The following EPB41 variants were observed in gnomAD, a reference collection of about 807,000 sequenced individuals.
The protein encoded by EPB41 is protein 4.1.
A neutral mutation model predicts 108.0 loss-of-function variants in EPB41; 65 were observed. That is an observed-to-expected ratio of 0.60 (90% CI 0.49 to 0.74). EPB41 has a LOEUF of 0.74. Among genes scored for constraint, EPB41 ranks in the 30% least tolerant of loss-of-function variants. The probability of loss-of-function intolerance (pLI) is 0.00; values close to 1 mark genes in which losing one functional copy is unlikely to be tolerated. For synonymous variants in EPB41, 336 were observed against 358.9 expected, an observed-to-expected ratio of 0.94 and a Z score of 0.72; for missense variants, 875 against 1,037.0, an observed-to-expected ratio of 0.84 and a Z score of 2.15.
intron 1 of EPB41, among the ~76,000 whole-genome samples, chr1:28,900,027 C>T (rs560737974): frequency 2.0e-5 from 3 of 152,292 alleles, no homozygotes; most frequent in Admixed American, 1.3e-4. Context: ...ATGAAGTACT[C>T]AGTCCGTAGC....
chr1:28,954,207 T>A (rs1460321939), intron 1 of EPB41, among the ~76,000 whole-genome samples: 1 of 152,236 alleles, frequency 6.6e-6, no homozygotes, highest in Admixed American at 6.5e-5. Context: ...AGACTTCTAA[T>A]ATTGTTTAGG....
At chr1:29,062,701 C>A (rs1257332138) in intron 15 of EPB41, among the ~76,000 whole-genome samples, 2 of 151,660 alleles carry the variant, frequency 1.3e-5, no homozygotes, top group East Asian at 1.9e-4. Context: ...ACCCCGCCCC[C>A]ACTAATGCTT....
At chr1:28,951,243 A>G (rs1454490114) in intron 1 of EPB41, among the ~76,000 whole-genome samples, 1 of 152,092 alleles carries the variant, frequency 6.6e-6, no homozygotes, top group Non-Finnish European at 1.5e-5. Flanking sequence ...ATATCTATAA[A>G]AGCTGACTTC....
chr1:29,021,795 G>C (rs1014756953), intron 7 of EPB41, among the ~76,000 whole-genome samples: 2 of 152,110 alleles, frequency 1.3e-5, no homozygotes, highest in African/African-American at 4.8e-5. Flanking sequence ...TGTTAGCCAG[G>C]ATGGTCTCAA....
At chr1:29,060,519 GC>G (rs1247119652) in intron 15 of EPB41, 35 bp downstream of exon 15, 1 of 1,569,624 alleles carries the variant, frequency 6.4e-7, no homozygotes, top group Non-Finnish European at 8.8e-7. Flanking sequence ...TCAGTTGGTT[GC>G]CTGGAACCTT....
chr1:29,044,745 AG>A (rs1430664555), intron 11 of EPB41, among the ~76,000 whole-genome samples: 2 of 152,200 alleles, frequency 1.3e-5, no homozygotes, highest in East Asian at 3.8e-4. Flanking sequence ...CCAGCTACTC[AG>A]GACGCTGAGG....
Position 29,035,618 on chromosome 1 carries a change from C to G in EPB41, c.1366-208C>G, listed in dbSNP as rs546326082. ...AGCTTAAATTATATGAGATGCATTC[C>G]CTGGCTTTCTTGCTTTGGAAAAAGC... On this transcript the variant is annotated intron_variant, in intron 9 of 20. Transcript: ENST00000343067. Among the ~76,000 whole-genome samples, 213 of 152,048 alleles carry G rather than the reference C, an allele frequency of 1.4e-3. 2 individuals are homozygous for G. Among genetic ancestry groups the G allele is most frequent in the Admixed American group, 1.6e-3 (25 of 15,270 alleles).
At chr1:29,065,428 T>G (rs1647183489) in intron 16 of EPB41, 2 of 360,912 alleles carry the variant, frequency 5.5e-6, no homozygotes, top group African/African-American at 4.1e-5. Flanking sequence ...TTCTGGCTAA[T>G]GTATGTTTAT....
chr1:28,911,121 C>T, upstream of EPB41: 1 of 985,362 alleles, frequency 1.0e-6, no homozygotes, highest in Non-Finnish European at 1.2e-6. Flanking sequence ...GTAGTTTTTC[C>T]ACCTTCATAT....
intron 1 of EPB41, among the ~76,000 whole-genome samples, chr1:28,921,784 A>C (rs1244269601): frequency 6.6e-6 from 1 of 151,738 alleles, no homozygotes; most frequent in South Asian, 2.1e-4. Flanking sequence ...GGTGTTGAAA[A>C]TGAGCTCTTT....
At chr1:28,969,769 T>C (rs1571637020) in intron 1 of EPB41, among the ~76,000 whole-genome samples, 1 of 151,934 alleles carries the variant, frequency 6.6e-6, no homozygotes. Context: ...GGCGTGGCGG[T>C]GGGCACCTGT....
chr1:29,053,212 C>T lies in EPB41; in HGVS notation c.1745C>T (p.Thr582Ile), dbSNP rs2150754123. The T allele has an allele frequency of 6.2e-7, 1 of 1,614,100 alleles. No individual in the cohort carries two copies. ...GTCCTAGATGCCTCTGCTAAAAAAA[C>T]AGTGGTCCCTAAAGCACAGAAGGAA... The part of the protein sequence containing the change: ...GGVLDASAKK[T>I]VVPKAQKETV... Residue 582 changes from threonine to isoleucine, a missense_variant, in exon 12 of 21, where the codon ACA becomes ATA. Physicochemically the swap from Thr to Ile is moderately conservative, Grantham distance 89 (BLOSUM62 -1). Transcript: ENST00000343067.
Position 29,073,607 on chromosome 1 carries a change from CCTT to C in EPB41, c.2184+8452_2184+8454del, listed in dbSNP as rs572490523. Among the ~76,000 whole-genome samples, 10 of 152,298 alleles carry C rather than the reference CCTT, an allele frequency of 6.6e-5. No homozygotes were observed. The South Asian group carries it at 2.1e-3, about 32-fold the overall frequency. On this transcript the variant is annotated intron_variant, in intron 16 of 20. Transcript: ENST00000343067. ...CACTTTACTAATTTTCCAAATTTATCCTTCTCTTAATAAATTCATCTTATCCAA... is the reference window on the plus strand; with the variant it reads ...CACTTTACTAATTTTCCAAATTTATCCTCTTAATAAATTCATCTTATCCAA...
At chr1:29,084,065 G>T (rs1290642410) in intron 16 of EPB41, among the ~76,000 whole-genome samples, 1 of 152,130 alleles carries the variant, frequency 6.6e-6, no homozygotes, top group Non-Finnish European at 1.5e-5. Flanking sequence ...CTCGATTCCT[G>T]CTGGTTCTGT....
intron 1 of EPB41, among the ~76,000 whole-genome samples, chr1:28,922,696 C>T (rs990320022): frequency 6.7e-6 from 1 of 150,232 alleles, no homozygotes; most frequent in Non-Finnish European, 1.5e-5. Context: ...GGCGCGATCT[C>T]GGCTCACTGC....
chr1:28,969,934 T>C (rs1370474978), intron 1 of EPB41, among the ~76,000 whole-genome samples: 5 of 152,012 alleles, frequency 3.3e-5, no homozygotes, highest in African/African-American at 1.2e-4. Flanking sequence ...AACAAAACTG[T>C]GTGAAATTAT....
intron 5 of EPB41, among the ~76,000 whole-genome samples, chr1:29,014,575 A>G (rs980094465): frequency 1.3e-5 from 2 of 151,744 alleles, no homozygotes; most frequent in African/African-American, 4.8e-5. Context: ...ATATGTATAT[A>G]TATTTTTAGA....
chr1:28,981,724 T>C (rs904491394), intron 1 of EPB41, among the ~76,000 whole-genome samples: 3 of 152,170 alleles, frequency 2.0e-5, no homozygotes, highest in East Asian at 3.8e-4. Flanking sequence ...TTTTCGCATA[T>C]TTGCAAATTT....
intron 2 of EPB41, among the ~76,000 whole-genome samples, chr1:28,990,933 G>T (rs1426248817): frequency 1.3e-5 from 2 of 151,966 alleles, no homozygotes; most frequent in African/African-American, 2.4e-5. Context: ...TTGTCCGTAG[G>T]TTATTTGTCT....
Sources: gnomAD v4.1 joint callset for allele counts (sites outside exome capture counted in the v4.1 genomes callset) on GRCh38, gnomAD v4.1.1 for gene constraint, MANE v1.5 for transcripts, NCBI Gene and HGNC (gene_info 2026-07-23, HGNC 2026-07-21) for gene names.